The following PSKH1 variants were observed in gnomAD, a reference collection of about 807,000 sequenced individuals.
The protein encoded by PSKH1 is serine/threonine-protein kinase H1.
In PSKH1, 12 loss-of-function variants were observed where a neutral mutation model predicts 26.7. The observed-to-expected ratio is 0.45, with a 90% CI of 0.29 to 0.73. The LOEUF is 0.73. PSKH1 is among the 30% of genes least tolerant of loss of function. PSKH1 has a pLI of 0.11. For missense variants in PSKH1, 431 were observed against 595.2 expected, an observed-to-expected ratio of 0.72 and a Z score of 2.87; for synonymous variants, 213 against 234.3, an observed-to-expected ratio of 0.91 and a Z score of 0.83.
chr16:67,924,857 G>A (rs955232321), intron 2 of PSKH1, among the ~76,000 whole-genome samples: 6 of 152,190 alleles, frequency 3.9e-5, no homozygotes, highest in Non-Finnish European at 5.9e-5. Flanking sequence ...CTGTCTCTCC[G>A]GTGGGTGATG....
rs553163944 is a variant in PSKH1, at chr16:67,904,160, C to T, written c.-70-4520C>T. ...CCTCCAGATTAGCTGAGATTACAGG[C>T]GCCTGCCACAATGCCTGGCTAATTT... is the stretch of plus-strand genomic sequence containing the variant. On this transcript the variant is annotated intron_variant, in intron 1 of 2. Transcript: ENST00000291041. 4.0e-5 allele frequency among the ~76,000 whole-genome samples: 6 copies of T among 151,648 alleles called. No individual in the cohort carries two copies. In the East Asian group the frequency reaches 5.8e-4, roughly 15 times the overall value.
intron 1 of PSKH1, among the ~76,000 whole-genome samples, chr16:67,894,921 GTT>G (rs553685060): frequency 3.3e-5 from 4 of 123,072 alleles, no homozygotes; most frequent in Non-Finnish European, 3.4e-5. Flanking sequence ...GTCTGAGTTA[GTT>G]TTTTTTTTTT....
chr16:67,912,230 C>T (rs2058175394), intron 2 of PSKH1, among the ~76,000 whole-genome samples: 1 of 152,178 alleles, frequency 6.6e-6, no homozygotes, highest in Non-Finnish European at 1.5e-5. Flanking sequence ...AGAGAATAGT[C>T]CCTTATACTC....
chr16:67,907,689 C>T (rs1329400767), intron 1 of PSKH1, among the ~76,000 whole-genome samples: 1 of 152,118 alleles, frequency 6.6e-6, no homozygotes. Flanking sequence ...GGATTTCAGC[C>T]ATCCATGTAG....
intron 1 of PSKH1, among the ~76,000 whole-genome samples, chr16:67,907,670 C>T (rs547774672): frequency 6.6e-6 from 1 of 152,230 alleles, no homozygotes; most frequent in African/African-American, 2.4e-5. Context: ...CAGCTCTGGG[C>T]CTTGTGTGGG....
At chr16:67,917,244 C>T (rs1409773442) in intron 2 of PSKH1, among the ~76,000 whole-genome samples, 4 of 152,170 alleles carry the variant, frequency 2.6e-5, no homozygotes, top group Admixed American at 2.6e-4. Context: ...CATGGTCTCC[C>T]GACTGGAGGG....
At chr16:67,901,548 G>A (rs1567397326) in intron 1 of PSKH1, among the ~76,000 whole-genome samples, 1 of 151,518 alleles carries the variant, frequency 6.6e-6, no homozygotes, top group Non-Finnish European at 1.5e-5. Flanking sequence ...TGCCCAGGCT[G>A]GCTCAAACTC....
At chr16:67,908,153 G>A (rs2058161741) in intron 1 of PSKH1, among the ~76,000 whole-genome samples, 1 of 152,190 alleles carries the variant, frequency 6.6e-6, no homozygotes, top group South Asian at 2.1e-4. Context: ...CCAGGGAGAT[G>A]AGTCAAAGCC....
At chr16:67,903,802 A>G (rs1436310142) in intron 1 of PSKH1, among the ~76,000 whole-genome samples, 1 of 146,022 alleles carries the variant, frequency 6.8e-6, no homozygotes, top group Non-Finnish European at 1.5e-5. Flanking sequence ...TGCTGCTGAT[A>G]GCTCTCGATT....
chr16:67,899,942 C>A (rs958196182), intron 1 of PSKH1, among the ~76,000 whole-genome samples: 2 of 151,460 alleles, frequency 1.3e-5, no homozygotes, highest in Non-Finnish European at 2.9e-5. Context: ...AGCCACTGTG[C>A]CCTGCCTGTT....
chr16:67,895,990 G>T (rs1042373008), intron 1 of PSKH1, among the ~76,000 whole-genome samples: 1 of 152,208 alleles, frequency 6.6e-6, no homozygotes, highest in South Asian at 2.1e-4. Context: ...AGAGAGGAGT[G>T]AGATGGTACA....
intron 2 of PSKH1, among the ~76,000 whole-genome samples, chr16:67,915,216 T>A (rs2058184470): frequency 6.6e-6 from 1 of 151,072 alleles, no homozygotes; most frequent in Non-Finnish European, 1.5e-5. Flanking sequence ...AGAGTGTGTG[T>A]GTGTGTGTGT....
At chr16:67,894,647 T>C (rs1465002515) in intron 1 of PSKH1, among the ~76,000 whole-genome samples, 1 of 152,210 alleles carries the variant, frequency 6.6e-6, no homozygotes, top group African/African-American at 2.4e-5. Context: ...GTACATCCTG[T>C]TGTGTCACAT....
chr16:67,903,126 TAAAC>T (rs1338896966), intron 1 of PSKH1: 1 of 152,080 alleles, frequency 6.6e-6, no homozygotes, highest in Non-Finnish European at 1.5e-5. Flanking sequence ...TGAAGAAAAA[TAAAC>T]AATATTTTTT....
At chr16:67,911,677 T>C (rs2058173748) in intron 2 of PSKH1, among the ~76,000 whole-genome samples, 1 of 152,082 alleles carries the variant, frequency 6.6e-6, no homozygotes, top group Non-Finnish European at 1.5e-5. Flanking sequence ...AGTGAAACTC[T>C]GTCCCCCCCA....
intron 1 of PSKH1, among the ~76,000 whole-genome samples, chr16:67,904,762 G>A (rs182028317): frequency 4.6e-5 from 7 of 151,752 alleles, no homozygotes; most frequent in African/African-American, 1.7e-4. Flanking sequence ...GATTACTCCC[G>A]GTGCTGGGAT....
intron 2 of PSKH1, among the ~76,000 whole-genome samples, chr16:67,916,609 TG>T: frequency 6.6e-6 from 1 of 152,100 alleles, no homozygotes; most frequent in East Asian, 1.9e-4. Context: ...AGGAGCCCTC[TG>T]GGTTCTGGGT....
rs767690823 is a variant in PSKH1, at chr16:67,909,455, A to G, written c.706A>G (p.Ile236Val). 28 of 1,613,422 alleles carry G rather than the reference A, an allele frequency of 1.7e-5. No homozygotes were observed. The South Asian group carries it at 3.0e-4, about 17-fold the overall frequency. The change falls in exon 2 of 3, where the codon ATC becomes GTC. Residue 236 changes from isoleucine to valine, a missense_variant. Coordinates refer to ENST00000291041, the MANE Select transcript of PSKH1 (RefSeq NM_006742.3). The surrounding 1 kb of genome is among the most constrained non-coding windows in gnomAD (Gnocchi z 7.8). The part of the protein sequence containing the change: ...YYHPGTDSKI[I>V]ITDFGLASAR... ...CCATCCGGGCACTGACTCCAAGATC[A>G]TCATCACCGACTTCGGCCTGGCCAG...
intron 1 of PSKH1, among the ~76,000 whole-genome samples, chr16:67,908,081 C>G (rs896799938): frequency 1.3e-5 from 2 of 152,168 alleles, no homozygotes; most frequent in Non-Finnish European, 2.9e-5. Flanking sequence ...GGCGCCCTGA[C>G]AGCTGAGGCT....
Sources: allele counts gnomAD v4.1 joint callset (sites outside exome capture counted in the v4.1 genomes callset), GRCh38; gene constraint gnomAD v4.1.1; non-coding constraint Gnocchi (gnomAD v3.1); transcripts MANE v1.5; gene names NCBI Gene and HGNC (gene_info 2026-07-23, HGNC 2026-07-21).